RANBP17: variants seen among roughly 807,000 people sequenced by gnomAD.
RANBP17 encodes ran-binding protein 17.
A neutral mutation model predicts 141.2 loss-of-function variants in RANBP17; 158 were observed. The ratio of observed to expected loss-of-function variants is 1.12; its 90% confidence interval spans 0.98 to 1.28. The LOEUF is 1.28. Among genes scored for constraint, RANBP17 ranks in the 50% most tolerant of loss-of-function variants. RANBP17 has a pLI of 0.00. For synonymous variants in RANBP17, 430 were observed against 450.0 expected, an observed-to-expected ratio of 0.96 and a Z score of 0.56; for missense variants, 1,438 against 1,290.7, an observed-to-expected ratio of 1.11 and a Z score of -1.75.
intron 14 of RANBP17, among the ~76,000 whole-genome samples, chr5:171,103,398 T>C (rs1787314593): frequency 6.6e-6 from 1 of 152,192 alleles, no homozygotes; most frequent in Non-Finnish European, 1.5e-5. Context: ...TTGTTTACAC[T>C]GTAAGGGGAA....
chr5:171,099,223 A>G (rs1440272078), intron 14 of RANBP17, among the ~76,000 whole-genome samples: 2 of 152,104 alleles, frequency 1.3e-5, no homozygotes, highest in Non-Finnish European at 2.9e-5. Flanking sequence ...CATTTTCACA[A>G]TATTGGTTCT....
chr5:171,181,437 C>G (rs530100805), intron 16 of RANBP17, among the ~76,000 whole-genome samples: 2 of 149,522 alleles, frequency 1.3e-5, no homozygotes, highest in Non-Finnish European at 3.0e-5. Flanking sequence ...GGCGACAGAG[C>G]GAAGAGTCTG....
At chr5:171,115,522 A>G (rs1397523499) in intron 14 of RANBP17, among the ~76,000 whole-genome samples, 2 of 152,246 alleles carry the variant, frequency 1.3e-5, no homozygotes, top group African/African-American at 2.4e-5. Context: ...GTTGTGAAAC[A>G]TGTAGGTATA....
At chr5:170,897,949 G>A (rs939033788) in intron 5 of RANBP17, among the ~76,000 whole-genome samples, 7 of 152,108 alleles carry the variant, frequency 4.6e-5, no homozygotes, top group African/African-American at 1.7e-4. Context: ...TGGGTCAAAT[G>A]GTATTTCTGG....
intron 1 of RANBP17, among the ~76,000 whole-genome samples, chr5:170,874,120 G>A (rs1457273184): frequency 6.6e-6 from 1 of 152,150 alleles, no homozygotes; most frequent in Non-Finnish European, 1.5e-5. Context: ...TCATTCGGGA[G>A]CAAGGTTAAT....
At chr5:171,213,875 G>A (rs1488765327) in intron 21 of RANBP17, 137 bp downstream of exon 21, 1 of 693,300 alleles carries the variant, frequency 1.4e-6, no homozygotes, top group Non-Finnish European at 2.6e-6. Flanking sequence ...GATGATTAGT[G>A]AAAACAGAAT....
At chr5:171,184,683 A>G (rs972198778) in intron 18 of RANBP17, among the ~76,000 whole-genome samples, 1 of 152,218 alleles carries the variant, frequency 6.6e-6, no homozygotes, top group Non-Finnish European at 1.5e-5. Flanking sequence ...TAGTTACTCT[A>G]CATCATACAT....
chr5:171,038,158 G>C (rs2127629660), intron 14 of RANBP17, among the ~76,000 whole-genome samples: 1 of 122,740 alleles, frequency 8.1e-6, no homozygotes, highest in East Asian at 2.6e-4. Context: ...TGTATTCTTA[G>C]GTATTGTGTG....
intron 14 of RANBP17, among the ~76,000 whole-genome samples, chr5:171,076,475 A>G (rs1784930048): frequency 6.6e-6 from 1 of 152,248 alleles, no homozygotes; most frequent in African/African-American, 2.4e-5. Context: ...CACTTCAGCA[A>G]TAATGAAATG....
rs367752005 is a variant in RANBP17, at chr5:171,231,022, G to A, written c.2422+9182G>A. Among the ~76,000 whole-genome samples, 34 of 151,098 alleles carry A rather than the reference G, an allele frequency of 2.3e-4. No individual in the cohort carries two copies. The East Asian group carries it at 6.2e-3, about 28-fold the overall frequency. ...CATGATCATAATTCACTGAACCCTC[G>A]AAGTCCTGGGCTCAGGTTATCCTCC... is the stretch of plus-strand genomic sequence containing the variant. On this transcript the variant is annotated intron_variant, in intron 22 of 27. Coordinates refer to ENST00000523189, the MANE Select transcript of RANBP17 (RefSeq NM_022897.5).
intron 20 of RANBP17, among the ~76,000 whole-genome samples, chr5:171,210,801 T>C (rs1450932194): frequency 6.6e-6 from 1 of 151,656 alleles, no homozygotes; most frequent in African/African-American, 2.4e-5. Flanking sequence ...GGTCAAGAGA[T>C]CGAGACCATC....
rs1288054063 is a variant in RANBP17 at position 171,293,881 on chromosome 5, A to C, written c.2944-2A>C. Reference sequence around the variant, plus strand: ...CAATCTTTATGTGATTCTATCTTCTAGATGATGTCTGTCCTCATGAACACC... The same window carrying C: ...CAATCTTTATGTGATTCTATCTTCTCGATGATGTCTGTCCTCATGAACACC... On this transcript the variant is annotated splice_acceptor_variant, in intron 25 of 27. Transcript: ENST00000523189. LOFTEE classifies it high-confidence loss of function. 1 of 1,608,544 alleles carries C rather than the reference A, an allele frequency of 6.2e-7. No individual in the cohort carries two copies. Among genetic ancestry groups the C allele is most frequent in the South Asian group, 1.1e-5 (1 of 90,952 alleles).
chr5:171,002,574 T>A (rs1779288577), intron 14 of RANBP17, among the ~76,000 whole-genome samples: 1 of 152,126 alleles, frequency 6.6e-6, no homozygotes, highest in Admixed American at 6.6e-5. Context: ...GGAAGGCATA[T>A]TTAGAGTCAG....
At chr5:171,279,391 C>T (rs1437800833) in intron 25 of RANBP17, among the ~76,000 whole-genome samples, 2 of 152,174 alleles carry the variant, frequency 1.3e-5, no homozygotes, top group Admixed American at 6.5e-5. Context: ...CAAGGGTCTG[C>T]ATCTGGCAAG....
chr5:170,959,589 A>T (rs1775989169), intron 13 of RANBP17, among the ~76,000 whole-genome samples: 1 of 152,286 alleles, frequency 6.6e-6, no homozygotes, highest in South Asian at 2.1e-4. Context: ...CACAGTTGAA[A>T]ATCTGCCTGT....
At chr5:171,240,330 C>T (rs1209729187) in intron 22 of RANBP17, among the ~76,000 whole-genome samples, 1 of 151,986 alleles carries the variant, frequency 6.6e-6, no homozygotes, top group Non-Finnish European at 1.5e-5. Flanking sequence ...ATTTTTAAAA[C>T]AATCATCTCT....
At chr5:171,213,972 G>A (rs1682811550) in intron 21 of RANBP17, among the ~76,000 whole-genome samples, 1 of 152,114 alleles carries the variant, frequency 6.6e-6, no homozygotes. Context: ...AAAATAAATT[G>A]GAAGACTGCA....
intron 14 of RANBP17, among the ~76,000 whole-genome samples, chr5:171,023,921 T>C (rs374488105): frequency 2.2e-4 from 34 of 152,334 alleles, no homozygotes; most frequent in African/African-American, 7.9e-4. Context: ...TTACTTCATA[T>C]ATTTAATCCA....
At chr5:171,017,803 G>C (rs368360495) in intron 14 of RANBP17, among the ~76,000 whole-genome samples, 2 of 152,074 alleles carry the variant, frequency 1.3e-5, no homozygotes, top group Admixed American at 1.3e-4. Flanking sequence ...ATTGCTTTTG[G>C]CGTTTTCATC....
Sources: gnomAD v4.1 joint callset for allele counts (sites outside exome capture counted in the v4.1 genomes callset) on GRCh38, gnomAD v4.1.1 for gene constraint, MANE v1.5 for transcripts, NCBI Gene and HGNC (gene_info 2026-07-23, HGNC 2026-07-21) for gene names.